The following ZBTB5 variants were observed in gnomAD, a reference collection of about 807,000 sequenced individuals.
ZBTB5 encodes the protein zinc finger and BTB domain containing 5.
A neutral mutation model predicts 37.9 loss-of-function variants in ZBTB5; 15 were observed. That is an observed-to-expected ratio of 0.40 (90% CI 0.26 to 0.61). ZBTB5 has a LOEUF of 0.61. Among genes scored for constraint, ZBTB5 ranks in the 20% least tolerant of loss-of-function variants. The pLI is 0.47. For missense variants in ZBTB5, 708 were observed against 856.8 expected (o/e 0.83, Z 2.17); for synonymous variants, 315 against 312.4 (o/e 1.01, Z -0.09).
intron 1 of ZBTB5, among the ~76,000 whole-genome samples, chr9:37,452,698 G>C (rs1192318547): frequency 1.3e-5 from 2 of 152,194 alleles, no homozygotes; most frequent in African/African-American, 4.8e-5. Flanking sequence ...GGGGTGCTCT[G>C]GAGTATAAAC....
intron 1 of ZBTB5, among the ~76,000 whole-genome samples, chr9:37,455,976 A>ATC (rs1201831305): frequency 6.8e-6 from 1 of 146,022 alleles, no homozygotes; most frequent in Non-Finnish European, 1.5e-5. Flanking sequence ...TTGAGGCAGG[A>ATC]TCTCACTCTC....
At chr9:37,459,958 T>C (rs541995755) in intron 1 of ZBTB5, among the ~76,000 whole-genome samples, 2 of 147,776 alleles carry the variant, frequency 1.4e-5, no homozygotes, top group South Asian at 4.3e-4. Flanking sequence ...GATCTGTCCG[T>C]CTCGGCCTCC....
chr9:37,457,042 C>G (rs58277541), intron 1 of ZBTB5, among the ~76,000 whole-genome samples: 3,320 of 152,214 alleles, frequency 0.022, 121 homozygotes, highest in African/African-American at 0.073. Flanking sequence ...AGCAGCAACT[C>G]CAGAATGAGA....
At chr9:37,457,159 A>T (rs1011134514) in intron 1 of ZBTB5, among the ~76,000 whole-genome samples, 6 of 152,276 alleles carry the variant, frequency 3.9e-5, no homozygotes, top group Admixed American at 3.3e-4. Flanking sequence ...GGTAGTATAC[A>T]GCTCAAGGGA....
At position 37,438,437 on chromosome 9, in the gene ZBTB5, T is replaced by C. The variant is rs1222335534; in HGVS notation, c.*2081A>G. The stretch of plus-strand genomic sequence containing the variant: ...TTCTCACACGTAGAAACTGACAGAC[T>C]AAGAGGTAGATGAGAGATTCCAGGT... On this transcript the variant is annotated 3_prime_UTR_variant, in exon 2 of 2. Transcript: ENST00000307750. The C allele has an allele frequency of 6.6e-6, 1 of 152,500 alleles. No homozygotes were observed. Among genetic ancestry groups the C allele is most frequent in the African/African-American group, 2.4e-5 (1 of 41,420 alleles). 9.4% of individuals were successfully genotyped at this position (152,500 alleles called of 1,614,324 possible).
rs184776639 is a variant in ZBTB5, at chr9:37,444,591, A to G, written c.-4-2036T>C. 7.9e-4 allele frequency among the ~76,000 whole-genome samples: 120 copies of G among 152,352 alleles called. 3 individuals are homozygous for G. Among genetic ancestry groups the G allele is most frequent in the Admixed American group, 7.8e-3 (120 of 15,290 alleles). On this transcript the variant is annotated intron_variant, in intron 1 of 1. Transcript: ENST00000307750. ...CAAGTACTCAAAATATGAAGATACA[A>G]ATCCCCACACTAGGCTGACATCAGG...
intron 1 of ZBTB5, 37 bp from the exon 2 acceptor site, chr9:37,442,592 G>A: frequency 6.6e-7 from 1 of 1,513,488 alleles, no homozygotes; most frequent in Admixed American, 2.0e-5. Flanking sequence ...TTAAGACCTA[G>A]AAAAGCTTCA....
intron 1 of ZBTB5, among the ~76,000 whole-genome samples, chr9:37,454,581 C>T (rs1824155091): frequency 2.0e-5 from 3 of 152,200 alleles, no homozygotes; most frequent in Admixed American, 6.5e-5. Context: ...TCATTACTGT[C>T]CATTACATTA....
Position 37,461,227 on chromosome 9 carries a change from G to C in ZBTB5, c.-5+3988C>G, listed in dbSNP as rs577962311. Among the ~76,000 whole-genome samples, 10 of 152,266 alleles carry C rather than the reference G, an allele frequency of 6.6e-5. No homozygotes were observed. In the South Asian group the frequency reaches 1.7e-3, roughly 25 times the overall value. Reference sequence around the variant, plus strand: ...CCAAACACTGGATTTTGTTTTCCTGGTCTTCCTTCCTCAAATCCTCTTCGC... The same window carrying C: ...CCAAACACTGGATTTTGTTTTCCTGCTCTTCCTTCCTCAAATCCTCTTCGC... On this transcript the variant is annotated intron_variant, in intron 1 of 1. Coordinates refer to ENST00000307750, the MANE Select transcript of ZBTB5 (RefSeq NM_014872.3).
rs150872767 is a variant in ZBTB5, at chr9:37,446,085, C to T, written c.-4-3530G>A. On this transcript the variant is annotated intron_variant, in intron 1 of 1. Coordinates refer to ENST00000307750, the MANE Select transcript of ZBTB5 (RefSeq NM_014872.3). ...TCGCTGCACTGCACTGCAACCTGGG[C>T]GACAGAGCAAGTCTCTGTCTCAAAT... Among the ~76,000 whole-genome samples the T allele has an allele frequency of 3.3e-3, 494 of 151,936 alleles. 3 individuals are homozygous for T. Among genetic ancestry groups the T allele is most frequent in the African/African-American group, 0.011 (476 of 41,422 alleles).
intron 1 of ZBTB5, among the ~76,000 whole-genome samples, chr9:37,460,441 C>G (rs867549792): frequency 4.6e-5 from 7 of 151,574 alleles, no homozygotes; most frequent in South Asian, 2.1e-4. Flanking sequence ...CACTCCCCCC[C>G]CAAAAAAATT....
At chr9:37,445,653 AAAAG>A (rs1300171494) in intron 1 of ZBTB5, among the ~76,000 whole-genome samples, 1 of 152,104 alleles carries the variant, frequency 6.6e-6, no homozygotes, top group Non-Finnish European at 1.5e-5. Context: ...CAAAAAAAAA[AAAAG>A]AAAAAAGAAA....
chr9:37,450,501 A>G (rs1824083362), intron 1 of ZBTB5, among the ~76,000 whole-genome samples: 1 of 152,248 alleles, frequency 6.6e-6, no homozygotes, highest in Non-Finnish European at 1.5e-5. Context: ...TGGCAGAATT[A>G]CAAGGAGAAA....
At chr9:37,443,311 AGAGT>A (rs1823919057) in intron 1 of ZBTB5, among the ~76,000 whole-genome samples, 1 of 151,814 alleles carries the variant, frequency 6.6e-6, no homozygotes, top group African/African-American at 2.4e-5. Flanking sequence ...CCTGGGCGAC[AGAGT>A]GAGACTTCAT....
rs1455837656 is a variant in ZBTB5, at chr9:37,439,746, G to A, written c.*772C>T. ...TTCCTAACATGGAACTGTAACATCT[G>A]TAATACAAGTTGGTTAAAATACTGC... On this transcript the variant is annotated 3_prime_UTR_variant, in exon 2 of 2. Transcript: ENST00000307750. 1 of 151,912 alleles carries A rather than the reference G, an allele frequency of 6.6e-6. No homozygotes were observed. Among genetic ancestry groups the A allele is most frequent in the Non-Finnish European group, 1.5e-5 (1 of 68,018 alleles). The allele number at this position is 151,912 out of a possible 1,614,324, so 9.4% of individuals were successfully genotyped here. A position where few individuals can be genotyped will look rare whatever the true frequency, so the allele number is the denominator to read the frequency against.
At chr9:37,450,629 A>G (rs756632812) in intron 1 of ZBTB5, among the ~76,000 whole-genome samples, 2 of 152,124 alleles carry the variant, frequency 1.3e-5, no homozygotes, top group Non-Finnish European at 2.9e-5. Flanking sequence ...TTATAATCCC[A>G]GCACTTTGGG....
At chr9:37,448,099 A>C (rs1487526494) in intron 1 of ZBTB5, among the ~76,000 whole-genome samples, 1 of 152,200 alleles carries the variant, frequency 6.6e-6, no homozygotes, top group East Asian at 1.9e-4. Context: ...TGAGGTAGCT[A>C]AACACAACCC....
At chr9:37,456,946 T>C (rs1824199610) in intron 1 of ZBTB5, among the ~76,000 whole-genome samples, 1 of 152,196 alleles carries the variant, frequency 6.6e-6, no homozygotes, top group African/African-American at 2.4e-5. Context: ...GGATGAAAGA[T>C]TTTCTCATAG....
chr9:37,440,304 C>T lies in ZBTB5; in HGVS notation c.*214G>A. The T allele has an allele frequency of 1.8e-6, 1 of 547,224 alleles. No homozygotes were observed. Among genetic ancestry groups the T allele is most frequent in the Non-Finnish European group, 3.2e-6 (1 of 311,138 alleles). 33.9% of individuals were successfully genotyped at this position (547,224 alleles called of 1,614,324 possible). A position where few individuals can be genotyped will look rare whatever the true frequency, so the allele number is the denominator to read the frequency against. On this transcript the variant is annotated 3_prime_UTR_variant, in exon 2 of 2. Coordinates refer to ENST00000307750, the MANE Select transcript of ZBTB5 (RefSeq NM_014872.3). ...GCATTACTCAACCCCAAGGAAGCAC[C>T]TGGTTTCAGGGATTGCATCCCTTTC...
Sources: allele counts gnomAD v4.1 joint callset (sites outside exome capture counted in the v4.1 genomes callset), GRCh38; gene constraint gnomAD v4.1.1; transcripts MANE v1.5; gene names NCBI Gene and HGNC (gene_info 2026-07-23, HGNC 2026-07-21).